The following CENPP variants were observed in gnomAD, a reference collection of about 807,000 sequenced individuals.
CENPP encodes the protein centromere protein P.
In CENPP, 24 loss-of-function variants were observed where a neutral mutation model predicts 35.6. That is an observed-to-expected ratio of 0.67 (90% CI 0.49 to 0.95). CENPP has a LOEUF of 0.95. Among genes scored for constraint, CENPP ranks in the 40% least tolerant of loss-of-function variants. CENPP has a pLI of 0.00. For synonymous variants in CENPP, 120 were observed against 125.5 expected (o/e 0.96, Z 0.29); for missense variants, 332 against 345.3 (o/e 0.96, Z 0.31).
chr9:92,497,444 G>A (rs532031705), intron 5 of CENPP, among the ~76,000 whole-genome samples: 7 of 152,148 alleles, frequency 4.6e-5, no homozygotes, highest in Admixed American at 2.0e-4. Flanking sequence ...GACCAACATG[G>A]AGAAACCCCG....
intron 4 of CENPP, among the ~76,000 whole-genome samples, chr9:92,353,070 A>C (rs1841504855): frequency 1.3e-5 from 2 of 152,214 alleles, no homozygotes; most frequent in South Asian, 4.1e-4. Context: ...CCCAACCCAA[A>C]TACTATTACA....
chr9:92,400,781 C>T (rs1843080129), intron 5 of CENPP, among the ~76,000 whole-genome samples: 1 of 152,174 alleles, frequency 6.6e-6, no homozygotes, highest in South Asian at 2.1e-4. Context: ...ACTGAGGCTG[C>T]ACATTGTATT....
At position 92,559,616 on chromosome 9, in the gene CENPP, T is replaced by A. The variant is rs562418137; in HGVS notation, c.565-51698T>A. Among the ~76,000 whole-genome samples the A allele has an allele frequency of 1.1e-4, 17 of 152,280 alleles. No individual in the cohort carries two copies. In the East Asian group the frequency reaches 2.7e-3, roughly 24 times the overall value. On this transcript the variant is annotated intron_variant, in intron 5 of 7. Transcript: ENST00000375587. Reference sequence around the variant, plus strand: ...GATGATGGTCTCTCTGGAGCTATAATCTAGTCCTGCCTCCTGTCTGCCATG... The same window carrying A: ...GATGATGGTCTCTCTGGAGCTATAAACTAGTCCTGCCTCCTGTCTGCCATG...
intron 5 of CENPP, among the ~76,000 whole-genome samples, chr9:92,547,260 C>T (rs773593005): frequency 4.6e-5 from 7 of 152,172 alleles, no homozygotes; most frequent in Non-Finnish European, 7.3e-5. Flanking sequence ...TTTAGTCTGA[C>T]AGATTATCTA....
intron 5 of CENPP, among the ~76,000 whole-genome samples, chr9:92,407,025 T>TA (rs1180591242): frequency 1.3e-5 from 2 of 152,154 alleles, no homozygotes; most frequent in Non-Finnish European, 2.9e-5. Context: ...GGATACACCC[T>TA]AAAATCAGCC....
At chr9:92,458,258 T>A (rs1844959192) in intron 5 of CENPP, among the ~76,000 whole-genome samples, 1 of 152,230 alleles carries the variant, frequency 6.6e-6, no homozygotes, top group African/African-American at 2.4e-5. Context: ...TTTGGCCTTT[T>A]TTGGTAACAG....
intron 5 of CENPP, among the ~76,000 whole-genome samples, chr9:92,529,963 G>A (rs573848998): frequency 1.3e-4 from 20 of 152,150 alleles, no homozygotes; most frequent in Non-Finnish European, 2.1e-4. Context: ...AACATATGCA[G>A]ACTTTTTTTT....
chr9:92,334,127 T>TG (rs1276727972), intron 2 of CENPP, among the ~76,000 whole-genome samples: 1 of 150,754 alleles, frequency 6.6e-6, no homozygotes, highest in African/African-American at 2.5e-5. Flanking sequence ...TAGGGTTTTT[T>TG]TTTTTTTTTT....
intron 5 of CENPP, among the ~76,000 whole-genome samples, chr9:92,487,077 C>T (rs983574607): frequency 6.6e-6 from 1 of 152,200 alleles, no homozygotes; most frequent in African/African-American, 2.4e-5. Context: ...CCACCACACC[C>T]AGCTGTGTCA....
At chr9:92,456,796 T>C in intron 5 of CENPP, 1 of 232,504 alleles carries the variant, frequency 4.3e-6, no homozygotes. Context: ...AATCATACTT[T>C]AAGATGATTA....
At chr9:92,417,268 G>C (rs1420141403) in intron 5 of CENPP, 5 of 1,614,082 alleles carry the variant, frequency 3.1e-6, no homozygotes, top group Non-Finnish European at 4.2e-6. Flanking sequence ...TGAACTGAAG[G>C]TAGAGTTGCT....
chr9:92,416,072 T>TA (rs368634649), intron 5 of CENPP, among the ~76,000 whole-genome samples: 3,373 of 125,278 alleles, frequency 0.027, 113 homozygotes, highest in African/African-American at 0.074. Context: ...ATATATATAT[T>TA]TATTTATTTA....
rs970914832 is a variant in CENPP, at chr9:92,345,736, A to G, written c.416A>G (p.Asn139Ser). The part of the protein sequence containing the change: ...ERLSSAVTDL[N>S]IIMEPTECSE... The stretch of plus-strand genomic sequence containing the variant: ...TTATCTTCTGCTGTTACTGACCTCA[A>G]CATAATAATGGAGCCCACAGAATGC... The change falls in exon 4 of 8, where the codon AAC becomes AGC. Residue 139 changes from asparagine (N) to serine (S), a missense_variant. Asn to Ser is a conservative substitution (Grantham distance 46). Coordinates refer to ENST00000375587, the MANE Select transcript of CENPP (RefSeq NM_001012267.3). 3 of 1,602,312 alleles carry G rather than the reference A, an allele frequency of 1.9e-6. No homozygotes were observed. The highest frequency in any genetic ancestry group is 2.7e-5 in the African/African-American group (2 of 74,678).
At chr9:92,504,655 C>A (rs1202239604) in intron 5 of CENPP, among the ~76,000 whole-genome samples, 2 of 152,114 alleles carry the variant, frequency 1.3e-5, no homozygotes, top group Non-Finnish European at 2.9e-5. Flanking sequence ...CCACCTCAGC[C>A]TCCTGAGCAG....
Position 92,615,761 on chromosome 9 carries a change from A to C in CENPP, c.*2612A>C. 7.7e-7 allele frequency: 1 copy of C among 1,302,586 alleles called. No homozygotes were observed. The highest frequency in any genetic ancestry group is 1.1e-6 in the Non-Finnish European group (1 of 909,426). The allele number at this position is 1,302,586 out of a possible 1,614,324, so 80.7% of individuals were successfully genotyped here. ...CATTCACAACCAAAGGTCACCCAACACAACAGAAAATATCTCTATCATTCA... is the reference window on the plus strand; with the variant it reads ...CATTCACAACCAAAGGTCACCCAACCCAACAGAAAATATCTCTATCATTCA... On this transcript the variant is annotated 3_prime_UTR_variant, in exon 8 of 8. Coordinates refer to ENST00000375587, the MANE Select transcript of CENPP (RefSeq NM_001012267.3).
chr9:92,514,108 C>A (rs1588209099), intron 5 of CENPP, among the ~76,000 whole-genome samples: 1 of 147,584 alleles, frequency 6.8e-6, no homozygotes. Flanking sequence ...CTTCACAGAG[C>A]AATGAGAATC....
At chr9:92,377,929 G>T (rs1487174938) in intron 4 of CENPP, among the ~76,000 whole-genome samples, 1 of 152,118 alleles carries the variant, frequency 6.6e-6, no homozygotes, top group African/African-American at 2.4e-5. Flanking sequence ...AGATGTAAAA[G>T]ATTCTTGTCT....
At chr9:92,600,485 G>A in intron 5 of CENPP, 1 of 1,612,936 alleles carries the variant, frequency 6.2e-7, no homozygotes, top group Non-Finnish European at 8.5e-7. Context: ...CAGCTGGTCT[G>A]TTCTGCAAAG....
chr9:92,364,808 A>G (rs1175527723), intron 4 of CENPP, among the ~76,000 whole-genome samples: 1 of 152,220 alleles, frequency 6.6e-6, no homozygotes, highest in Non-Finnish European at 1.5e-5. Context: ...TTGATGGTAG[A>G]GTACATGCTA....
Sources: allele counts gnomAD v4.1 joint callset (sites outside exome capture counted in the v4.1 genomes callset), GRCh38; gene constraint gnomAD v4.1.1; transcripts MANE v1.5; gene names NCBI Gene and HGNC (gene_info 2026-07-23, HGNC 2026-07-21).